PERP: variants seen among roughly 807,000 people sequenced by gnomAD.
The protein encoded by PERP is p53 apoptosis effector related to PMP-22.
Under a neutral mutation model 20.3 loss-of-function variants are expected in PERP, and 11 were observed. The ratio of observed to expected loss-of-function variants is 0.54; its 90% CI spans 0.34 to 0.90. PERP has a LOEUF of 0.90. Ranked by LOEUF, PERP falls within the 40% of genes least tolerant of loss-of-function variation. The probability of loss-of-function intolerance (pLI) is 0.02; values close to 1 mark genes in which losing one functional copy is unlikely to be tolerated. For missense variants in PERP, 224 were observed against 249.4 expected, an observed-to-expected ratio of 0.90 and a Z score of 0.69; for synonymous variants, 101 against 102.0, an observed-to-expected ratio of 0.99 and a Z score of 0.06.
intron 1 of PERP, 76 bp from the exon 2 acceptor site, chr6:138,096,570 T>C: frequency 1.4e-6 from 2 of 1,480,186 alleles, no homozygotes; most frequent in Non-Finnish European, 1.8e-6. Context: ...AGTATCAACA[T>C]GGTTTTGGGC....
rs1775563188 is a variant in PERP at position 138,090,614 on chromosome 6, C to T, written c.*1428G>A. On this transcript the variant is annotated 3_prime_UTR_variant, in exon 3 of 3. Transcript: ENST00000421351. ...GAATAGACTATTAGAATTCATTAAT[C>T]TCCACTCAAAAATTGGTTTTGGACA... 1 of 152,420 alleles carries T rather than the reference C, an allele frequency of 6.6e-6. No individual in the cohort carries two copies. The highest frequency in any genetic ancestry group is 2.1e-4 in the South Asian group (1 of 4,834). The allele number at this position is 152,420 out of a possible 1,614,324, so 9.4% of individuals were successfully genotyped here. A position where few individuals can be genotyped will look rare whatever the true frequency, so the allele number is the denominator to read the frequency against.
intron 1 of PERP, among the ~76,000 whole-genome samples, chr6:138,105,711 A>G (rs1274173783): frequency 6.6e-6 from 1 of 152,276 alleles, no homozygotes; most frequent in African/African-American, 2.4e-5. Context: ...TAATTATCAA[A>G]GTATGTTTAA....
intron 2 of PERP, among the ~76,000 whole-genome samples, chr6:138,094,596 T>C (rs117096955): frequency 0.016 from 2,409 of 152,348 alleles, 33 homozygotes; most frequent in Middle Eastern, 0.054. Context: ...GCTATGAACA[T>C]GGGTTACAAG....
chr6:138,096,589 C>G (rs1013635421), intron 1 of PERP, 95 bp from the exon 2 acceptor site: 2 of 1,359,986 alleles, frequency 1.5e-6, no homozygotes, highest in African/African-American at 2.9e-5. Flanking sequence ...GCTTTTTTTC[C>G]CTACTAGTTA....
In PERP at chr6:138,107,119, G is replaced by A. The variant is rs1456236818; in HGVS notation, c.214+8C>T. 1 of 1,588,096 alleles carries A rather than the reference G, an allele frequency of 6.3e-7. No individual in the cohort carries two copies. The highest frequency in any genetic ancestry group is 8.6e-7 in the Non-Finnish European group (1 of 1,166,980). On this transcript the variant is annotated splice_region_variant and intron_variant, in intron 1 of 2. Transcript: ENST00000421351. This position sits in a 1 kb window ranked among gnomAD's most constrained non-coding sequence, Gnocchi z 4.8. ...GAGGCGGCGACGGCGGCGGCGGCGG[G>A]CACTCACCGTACTCCATGAGGCTCT...
intron 1 of PERP, among the ~76,000 whole-genome samples, chr6:138,106,042 G>A (rs2152013): frequency 1.3e-5 from 2 of 151,924 alleles, no homozygotes; most frequent in Non-Finnish European, 2.9e-5. Context: ...ATAGTCCCCC[G>A]GAAACACAAA....
chr6:138,096,261 G>T (rs915820471), intron 2 of PERP, 93 bp downstream of exon 2: 20 of 1,450,420 alleles, frequency 1.4e-5, no homozygotes, highest in Non-Finnish European at 1.7e-5. Flanking sequence ...ATTAGAAACT[G>T]TAACAGTCAC....
At chr6:138,096,634 T>A (rs1562324103) in intron 1 of PERP, 140 bp from the exon 2 acceptor site, 10 of 883,404 alleles carry the variant, frequency 1.1e-5, no homozygotes, top group Non-Finnish European at 1.7e-5. Flanking sequence ...CTTTTGACAA[T>A]ACTTGAGCAT....
chr6:138,103,076 G>A (rs975168196), intron 1 of PERP, among the ~76,000 whole-genome samples: 1 of 147,322 alleles, frequency 6.8e-6, no homozygotes, highest in African/African-American at 2.5e-5. Flanking sequence ...TCCAGCCTGC[G>A]CGACAGACCG....
intron 1 of PERP, among the ~76,000 whole-genome samples, chr6:138,101,979 G>T (rs1029277077): frequency 2.6e-5 from 4 of 152,148 alleles, no homozygotes; most frequent in Non-Finnish European, 5.9e-5. Flanking sequence ...TGCTGTCCTG[G>T]TTTGCGACAC....
chr6:138,095,299 G>A (rs1204213338), intron 2 of PERP, among the ~76,000 whole-genome samples: 7 of 152,320 alleles, frequency 4.6e-5, no homozygotes, highest in East Asian at 3.9e-4. Context: ...CAAATGTGCC[G>A]TGAAGAAGGC....
chr6:138,105,839 C>G (rs9484115), intron 1 of PERP, among the ~76,000 whole-genome samples: 66,482 of 152,022 alleles, frequency 0.44, 14,824 homozygotes, highest in East Asian at 0.71. Flanking sequence ...AAACCTAAAA[C>G]ACTGGAGATG....
intron 1 of PERP, among the ~76,000 whole-genome samples, chr6:138,101,751 A>T (rs2114341892): frequency 6.6e-6 from 1 of 152,378 alleles, no homozygotes; most frequent in African/African-American, 2.4e-5. Flanking sequence ...AGTTCAAAAA[A>T]TTAAAAAGAT....
intron 2 of PERP, among the ~76,000 whole-genome samples, chr6:138,095,188 T>C (rs1010110224): frequency 1.3e-5 from 2 of 152,236 alleles, no homozygotes; most frequent in African/African-American, 4.8e-5. Context: ...TCTTTATATC[T>C]TTTGTGATTC....
At chr6:138,097,230 G>A (rs1270966869) in intron 1 of PERP, among the ~76,000 whole-genome samples, 1 of 152,166 alleles carries the variant, frequency 6.6e-6, no homozygotes, top group African/African-American at 2.4e-5. Context: ...TTCTAGGTTT[G>A]AAGACCTACA....
At chr6:138,094,561 C>T (rs1408067146) in intron 2 of PERP, among the ~76,000 whole-genome samples, 1 of 152,094 alleles carries the variant, frequency 6.6e-6, no homozygotes, top group Non-Finnish European at 1.5e-5. Flanking sequence ...GTTGTTTCCA[C>T]CTTTTGGCTG....
chr6:138,092,289 C>G, intron 2 of PERP, 21 bp from the exon 3 acceptor site: 1 of 1,586,762 alleles, frequency 6.3e-7, no homozygotes, highest in Non-Finnish European at 8.7e-7. Context: ...GAAAAAAATC[C>G]CAGGGTATGA....
intron 1 of PERP, among the ~76,000 whole-genome samples, chr6:138,101,069 T>C (rs1330900810): frequency 6.6e-6 from 1 of 152,172 alleles, no homozygotes; most frequent in East Asian, 1.9e-4. Context: ...AAATAAATAC[T>C]TTAAATGTCA....
At chr6:138,104,170 G>A (rs2114345111) in intron 1 of PERP, among the ~76,000 whole-genome samples, 1 of 152,324 alleles carries the variant, frequency 6.6e-6, no homozygotes, top group East Asian at 1.9e-4. Context: ...GATGGTGCCA[G>A]CGGTGCAAAA....
Sources: gnomAD v4.1 joint callset for allele counts (sites outside exome capture counted in the v4.1 genomes callset) on GRCh38, gnomAD v4.1.1 for gene constraint, Gnocchi (gnomAD v3.1) non-coding constraint, MANE v1.5 for transcripts, NCBI Gene and HGNC (gene_info 2026-07-23, HGNC 2026-07-21) for gene names.